CEP128: variants seen among roughly 807,000 people sequenced by gnomAD.
CEP128 encodes centrosomal protein 128kDa.
In CEP128, 132 loss-of-function variants were observed where a neutral mutation model predicts 156.7. The observed-to-expected ratio is 0.84, with a 90% CI of 0.73 to 0.97. The LOEUF is 0.97. CEP128 is among the 50% of genes least tolerant of loss of function. The pLI is 0.00. For missense variants in CEP128, 1,252 were observed against 1,281.9 expected (o/e 0.98, Z 0.36); for synonymous variants, 469 against 448.9 (o/e 1.04, Z -0.57).
intron 19 of CEP128, among the ~76,000 whole-genome samples, chr14:80,631,719 T>C (rs1893967716): frequency 6.6e-6 from 1 of 152,092 alleles, no homozygotes; most frequent in African/African-American, 2.4e-5. Flanking sequence ...CAATTCAATT[T>C]CATAAACATT....
intron 19 of CEP128, among the ~76,000 whole-genome samples, chr14:80,586,195 A>T (rs185743457): frequency 1.0e-3 from 158 of 152,344 alleles, no homozygotes; most frequent in African/African-American, 3.8e-3. Context: ...TAGGTAATTT[A>T]AAAAGCTGAG....
intron 19 of CEP128, among the ~76,000 whole-genome samples, chr14:80,671,542 A>G (rs1233048793): frequency 6.6e-6 from 1 of 152,196 alleles, no homozygotes; most frequent in Non-Finnish European, 1.5e-5. Flanking sequence ...ACATAAACTC[A>G]TAGACTCTTC....
In CEP128 at chr14:80,669,614, A is replaced by C. The variant is rs541588368; in HGVS notation, c.2806+73461T>G. Among the ~76,000 whole-genome samples, 4 of 152,346 alleles carry C rather than the reference A, an allele frequency of 2.6e-5. No homozygotes were observed. In the South Asian group the frequency reaches 8.3e-4, roughly 32 times the overall value. ...GAATGCAAATTAAAACCACAATAAC[A>C]TACCATCTTACAGTAGTCAGTACGG... is the stretch of plus-strand genomic sequence containing the variant. On this transcript the variant is annotated intron_variant, in intron 19 of 24. Transcript: ENST00000555265.
intron 4 of CEP128, among the ~76,000 whole-genome samples, chr14:80,908,634 T>A (rs951792598): frequency 6.6e-6 from 1 of 152,264 alleles, no homozygotes; most frequent in Non-Finnish European, 1.5e-5. Context: ...TATATGTTTC[T>A]ATTGTCTGCT....
intron 14 of CEP128, among the ~76,000 whole-genome samples, chr14:80,786,194 C>T (rs1234381696): frequency 6.6e-6 from 1 of 152,152 alleles, no homozygotes; most frequent in Non-Finnish European, 1.5e-5. Context: ...ATGCCAGCCT[C>T]TCTAAGATTT....
chr14:80,820,103 T>G (rs1885084803), intron 13 of CEP128, among the ~76,000 whole-genome samples: 1 of 152,228 alleles, frequency 6.6e-6, no homozygotes, highest in South Asian at 2.1e-4. Flanking sequence ...GTAGGATTTG[T>G]AGTTGATTCT....
At chr14:80,925,045 A>T (rs940255692) in intron 2 of CEP128, among the ~76,000 whole-genome samples, 4 of 152,206 alleles carry the variant, frequency 2.6e-5, no homozygotes, top group African/African-American at 9.7e-5. Flanking sequence ...CTGAGCAAAG[A>T]AATCAATGAA....
At chr14:80,955,597 C>T (rs2139668573) in intron 2 of CEP128, 1 of 1,566,166 alleles carries the variant, frequency 6.4e-7, no homozygotes, top group Non-Finnish European at 8.8e-7. Flanking sequence ...CCCGGGTCTC[C>T]TTTGGCCTGG....
intron 17 of CEP128, among the ~76,000 whole-genome samples, chr14:80,757,481 T>C (rs73342509): frequency 0.071 from 10,774 of 152,312 alleles, 405 homozygotes; most frequent in Non-Finnish European, 0.075. Flanking sequence ...TTTCAATAGT[T>C]CATCTGCGCT....
intron 13 of CEP128, among the ~76,000 whole-genome samples, chr14:80,808,625 C>T (rs1260627472): frequency 6.6e-6 from 1 of 152,122 alleles, no homozygotes; most frequent in Admixed American, 6.5e-5. Flanking sequence ...CAGGCATGCT[C>T]GGCCCACCAT....
intron 21 of CEP128, among the ~76,000 whole-genome samples, chr14:80,535,599 G>T: frequency 6.7e-6 from 1 of 149,408 alleles, no homozygotes; most frequent in Admixed American, 6.6e-5. Context: ...ACACGCGCAC[G>T]CATACATGCA....
At chr14:80,633,793 C>T (rs1239333734) in intron 19 of CEP128, among the ~76,000 whole-genome samples, 1 of 152,144 alleles carries the variant, frequency 6.6e-6, no homozygotes, top group East Asian at 1.9e-4. Flanking sequence ...TAAATGACTA[C>T]CTGTTTCTAG....
chr14:80,949,668 T>C (rs1158888606), intron 2 of CEP128, among the ~76,000 whole-genome samples: 1 of 152,112 alleles, frequency 6.6e-6, no homozygotes, highest in Non-Finnish European at 1.5e-5. Context: ...TAATAAAGCT[T>C]AAAACCAAGA....
chr14:80,650,422 G>A (rs893950621), intron 19 of CEP128, among the ~76,000 whole-genome samples: 8 of 152,072 alleles, frequency 5.3e-5, no homozygotes, highest in Admixed American at 2.0e-4. Context: ...TTCTCTTGCC[G>A]GATTACCGTG....
intron 21 of CEP128, among the ~76,000 whole-genome samples, chr14:80,535,142 A>G (rs1889425525): frequency 6.6e-6 from 1 of 152,210 alleles, no homozygotes; most frequent in South Asian, 2.1e-4. Flanking sequence ...CCATGAACAC[A>G]TAATTCAAAT....
intron 13 of CEP128, among the ~76,000 whole-genome samples, chr14:80,826,513 G>C (rs1885490370): frequency 6.6e-6 from 1 of 152,080 alleles, no homozygotes; most frequent in South Asian, 2.1e-4. Flanking sequence ...ACAGTAAAAT[G>C]GTCAGCTTTA....
At chr14:80,821,600 T>TACACACACACACACACAC (rs71103885) in intron 13 of CEP128, among the ~76,000 whole-genome samples, 2 of 145,274 alleles carry the variant, frequency 1.4e-5, no homozygotes, top group Non-Finnish European at 1.5e-5. Context: ...CATACACACA[T>TACACACACACACACACAC]ACACACACAC....
chr14:80,600,060 T>G (rs1167384756), intron 19 of CEP128, among the ~76,000 whole-genome samples: 2 of 152,150 alleles, frequency 1.3e-5, no homozygotes, highest in Non-Finnish European at 2.9e-5. Context: ...TTTGTCATCA[T>G]GTCATCCTCA....
intron 19 of CEP128, among the ~76,000 whole-genome samples, chr14:80,695,291 G>C (rs997803443): frequency 6.6e-6 from 1 of 152,288 alleles, no homozygotes; most frequent in African/African-American, 2.4e-5. Flanking sequence ...TGTCTAGAGA[G>C]AGTGGTTGGA....
Sources: allele counts gnomAD v4.1 joint callset (sites outside exome capture counted in the v4.1 genomes callset), GRCh38; gene constraint gnomAD v4.1.1; transcripts MANE v1.5; gene names NCBI Gene and HGNC (gene_info 2026-07-23, HGNC 2026-07-21).